ESR1: variants seen among roughly 807,000 people sequenced by gnomAD.
The protein encoded by ESR1 is estrogen receptor 1, also known as estrogen receptor.
Under a neutral mutation model 52.7 loss-of-function variants are expected in ESR1, and 12 were observed. That is an observed-to-expected ratio of 0.23 (90% CI 0.15 to 0.37). The LOEUF (loss-of-function observed/expected upper bound fraction) is 0.37, where lower values mean the gene tolerates loss of function less well. Ranked by LOEUF, ESR1 falls within the 10% of genes least tolerant of loss-of-function variation. The probability of loss-of-function intolerance (pLI) is 1.00; values close to 1 mark genes in which losing one functional copy is unlikely to be tolerated. For synonymous variants in ESR1, 305 were observed against 316.8 expected, an observed-to-expected ratio of 0.96 and a Z score of 0.39; for missense variants, 584 against 779.7, an observed-to-expected ratio of 0.75 and a Z score of 2.99.
intron 1 of ESR1, among the ~76,000 whole-genome samples, chr6:151,669,191 G>GAGAGAGAGA (rs1562319599): frequency 8.0e-5 from 3 of 37,696 alleles, no homozygotes; most frequent in Non-Finnish European, 1.1e-4. Flanking sequence ...AGAGAGAGAT[G>GAGAGAGAGA]GGAATCCAGG....
intron 3 of ESR1, among the ~76,000 whole-genome samples, chr6:151,898,179 A>T (rs1795844913): frequency 6.6e-6 from 1 of 152,212 alleles, no homozygotes; most frequent in Middle Eastern, 3.4e-3. Context: ...CTAGGCAATG[A>T]TCTTTTTGTG....
chr6:151,659,924 A>G (rs907137156), intron 1 of ESR1, among the ~76,000 whole-genome samples: 5 of 152,236 alleles, frequency 3.3e-5, no homozygotes, highest in Non-Finnish European at 7.3e-5. Flanking sequence ...GTAAAACATT[A>G]CTACTGACAG....
At position 152,046,993 on chromosome 6, in the gene ESR1, T is replaced by C. The variant is rs562261043; in HGVS notation, c.1236-13998T>C. On this transcript the variant is annotated intron_variant, in intron 5 of 7. Coordinates refer to ENST00000206249, the MANE Select transcript of ESR1 (RefSeq NM_000125.4). ...GGAACCAACCACGAAAATAACCACC[T>C]CTTACCCTCATGAAGAACACTTTAA... Among the ~76,000 whole-genome samples, 17 of 152,324 alleles carry C rather than the reference T, an allele frequency of 1.1e-4. No individual in the cohort carries two copies. The South Asian group carries it at 3.3e-3, about 30-fold the overall frequency.
intron 6 of ESR1, among the ~76,000 whole-genome samples, chr6:152,066,165 C>T: frequency 6.6e-6 from 1 of 152,148 alleles, no homozygotes; most frequent in East Asian, 1.9e-4. Flanking sequence ...AAGCAGATGC[C>T]ATTCTGTTTG....
intron 4 of ESR1, among the ~76,000 whole-genome samples, chr6:152,009,271 G>C (rs2042579869): frequency 6.6e-6 from 1 of 152,080 alleles, no homozygotes; most frequent in Admixed American, 6.6e-5. Flanking sequence ...TCTGAGACAG[G>C]CTACACTGTC....
intron 5 of ESR1, among the ~76,000 whole-genome samples, chr6:152,024,219 T>G (rs367589856): frequency 2.6e-5 from 4 of 152,278 alleles, no homozygotes; most frequent in African/African-American, 7.2e-5. Context: ...ATATGTTAAT[T>G]CTGTACCAAG....
At chr6:151,844,557 G>C (rs924966772) in intron 2 of ESR1, among the ~76,000 whole-genome samples, 3 of 152,114 alleles carry the variant, frequency 2.0e-5, no homozygotes, top group African/African-American at 4.8e-5. Context: ...TGCAGCTACC[G>C]AACTGGATTA....
intron 5 of ESR1, among the ~76,000 whole-genome samples, chr6:152,031,675 G>T (rs1428447734): frequency 6.6e-6 from 1 of 152,112 alleles, no homozygotes; most frequent in African/African-American, 2.4e-5. Context: ...AAAAGTCCAG[G>T]ACCAGACGGA....
chr6:152,061,505 GAT>G lies in ESR1; in HGVS notation c.1369+383_1369+384del, dbSNP rs1210719387. On this transcript the variant is annotated intron_variant, in intron 6 of 7. Coordinates refer to ENST00000206249, the MANE Select transcript of ESR1 (RefSeq NM_000125.4). This position sits in a 1 kb window ranked among gnomAD's most constrained non-coding sequence, Gnocchi z 4.3. ...AAATTGTGACCAATTCCAGGCTCCAGATAGTAAAGAAAGAGGGTTATTTGAGA... is the reference window on the plus strand; with the variant it reads ...AAATTGTGACCAATTCCAGGCTCCAGAGTAAAGAAAGAGGGTTATTTGAGA... Among the ~76,000 whole-genome samples, 1 of 152,210 alleles carries G rather than the reference GAT, an allele frequency of 6.6e-6. No individual in the cohort carries two copies. The highest frequency in any genetic ancestry group is 1.5e-5 in the Non-Finnish European group (1 of 68,040).
At chr6:152,123,130 T>A (rs1415951758) in intron 6 of ESR1, among the ~76,000 whole-genome samples, 1 of 152,224 alleles carries the variant, frequency 6.6e-6, no homozygotes, top group Non-Finnish European at 1.5e-5. Context: ...CATCTAGCCA[T>A]CCTGGATATG....
intron 2 of ESR1, among the ~76,000 whole-genome samples, chr6:151,793,668 A>G (rs1362590647): frequency 2.0e-5 from 3 of 152,232 alleles, no homozygotes; most frequent in Non-Finnish European, 1.5e-5. Flanking sequence ...TTTCAGCTCC[A>G]TTATAACCTT....
At chr6:152,083,065 T>A (rs2049370442) in intron 6 of ESR1, among the ~76,000 whole-genome samples, 1 of 151,916 alleles carries the variant, frequency 6.6e-6, no homozygotes, top group African/African-American at 2.4e-5. Flanking sequence ...TTCAGTGCTA[T>A]CCCCATCAAG....
intron 4 of ESR1, among the ~76,000 whole-genome samples, chr6:151,966,512 T>C (rs934291431): frequency 2.6e-5 from 4 of 152,220 alleles, no homozygotes; most frequent in African/African-American, 4.8e-5. Flanking sequence ...CTGATAGATA[T>C]AGCATTCCCA....
upstream of ESR1, among the ~76,000 whole-genome samples, chr6:151,806,904 T>C (rs555152107): frequency 6.6e-6 from 1 of 151,936 alleles, no homozygotes; most frequent in Admixed American, 6.6e-5. Context: ...TAACCAAAGG[T>C]TTTTCTGAAT....
intron 2 of ESR1, among the ~76,000 whole-genome samples, chr6:151,719,022 T>C (rs542942314): frequency 6.6e-6 from 1 of 152,304 alleles, no homozygotes; most frequent in Non-Finnish European, 1.5e-5. Flanking sequence ...CACGTCCATG[T>C]CATCAGGCTC....
chr6:152,122,558 G>C lies in ESR1; in HGVS notation c.851-2708G>C, dbSNP rs139740651. The C allele has an allele frequency of 1.4e-5, 23 of 1,614,214 alleles. No individual in the cohort carries two copies. The African/African-American group carries it at 2.9e-4, about 21-fold the overall frequency. ...GGTACAAGGCAGGCAAGCCCGATGA[G>C]GAGGAGCAGGAGAAGCTGAAGGGGA... On this transcript the variant is annotated intron_variant, in intron 6 of 6. Coordinates refer to the ESR1 transcript ENST00000427531.
intron 5 of ESR1, among the ~76,000 whole-genome samples, chr6:152,041,871 T>C (rs1023365119): frequency 9.9e-5 from 15 of 152,228 alleles, no homozygotes; most frequent in Non-Finnish European, 1.6e-4. Context: ...GCCAAATCAA[T>C]GGTTGCATAC....
chr6:151,836,478 T>A (rs1783351996), intron 1 of ESR1, among the ~76,000 whole-genome samples: 3 of 152,156 alleles, frequency 2.0e-5, no homozygotes, highest in Non-Finnish European at 4.4e-5. Context: ...CCTGCCACCA[T>A]GATTTAATTA....
intron 4 of ESR1, among the ~76,000 whole-genome samples, chr6:151,945,441 A>G (rs1285935694): frequency 6.6e-6 from 1 of 152,178 alleles, no homozygotes; most frequent in African/African-American, 2.4e-5. Context: ...CCTTCAGTTG[A>G]TTCTCTCAGA....
Sources: allele counts gnomAD v4.1 joint callset (sites outside exome capture counted in the v4.1 genomes callset), GRCh38; gene constraint gnomAD v4.1.1; non-coding constraint Gnocchi (gnomAD v3.1); transcripts MANE v1.5; gene names NCBI Gene and HGNC (gene_info 2026-07-23, HGNC 2026-07-21).